Variants in TNR observed in about 807,000 individuals in gnomAD.
TNR encodes tenascin-R.
A neutral mutation model predicts 150.4 loss-of-function variants in TNR; 45 were observed. That is an observed-to-expected ratio of 0.30 (90% CI 0.24 to 0.38). The LOEUF is 0.38. Ranked by LOEUF, TNR falls within the 10% of genes least tolerant of loss-of-function variation. TNR has a pLI of 1.00. For missense variants in TNR, 1,544 were observed against 1,759.1 expected (o/e 0.88, Z 2.19); for synonymous variants, 687 against 678.4 (o/e 1.01, Z -0.20).
intron 1 of TNR, among the ~76,000 whole-genome samples, chr1:175,690,488 TGACTCTCAGAA>T (rs1435306091): frequency 6.6e-6 from 1 of 152,214 alleles, no homozygotes; most frequent in Non-Finnish European, 1.5e-5. Context: ...GCATTCCACA[TGACTCTCAGAA>T]GACACAGCTC....
intron 8 of TNR, among the ~76,000 whole-genome samples, chr1:175,383,547 G>T (rs1477992291): frequency 6.6e-6 from 1 of 152,194 alleles, no homozygotes; most frequent in Non-Finnish European, 1.5e-5. Context: ...ACCGGCCATG[G>T]TGCACTTTGT....
chr1:175,566,864 C>T (rs1182887589), intron 1 of TNR, among the ~76,000 whole-genome samples: 1 of 152,174 alleles, frequency 6.6e-6, no homozygotes. Context: ...ACTTTAGTCC[C>T]TAGACTGTTA....
At chr1:175,488,464 G>C (rs1342202346) in intron 2 of TNR, among the ~76,000 whole-genome samples, 1 of 152,200 alleles carries the variant, frequency 6.6e-6, no homozygotes, top group Non-Finnish European at 1.5e-5. Flanking sequence ...AGGGGCAATG[G>C]AGGGGAATAG....
At chr1:175,472,587 G>T (rs534244786) in intron 2 of TNR, among the ~76,000 whole-genome samples, 18 of 152,276 alleles carry the variant, frequency 1.2e-4, no homozygotes, top group African/African-American at 3.9e-4. Flanking sequence ...CGTCACTAGA[G>T]GATAGGAATT....
At chr1:175,641,412 G>A (rs1664654933) in intron 1 of TNR, among the ~76,000 whole-genome samples, 1 of 152,174 alleles carries the variant, frequency 6.6e-6, no homozygotes, top group South Asian at 2.1e-4. Context: ...TTGTCTAGAA[G>A]TATCTAAGTG....
At chr1:175,536,801 A>G (rs1474359347) in intron 1 of TNR, among the ~76,000 whole-genome samples, 1 of 152,194 alleles carries the variant, frequency 6.6e-6, no homozygotes, top group Non-Finnish European at 1.5e-5. Context: ...TACTTCTCTG[A>G]GCACTAGGAT....
intron 1 of TNR, among the ~76,000 whole-genome samples, chr1:175,709,862 T>G (rs140875837): frequency 2.3e-3 from 353 of 152,002 alleles, no homozygotes; most frequent in Non-Finnish European, 4.3e-3. Flanking sequence ...AGACATGATC[T>G]CCATCCTCAA....
chr1:175,618,664 T>C lies in TNR; in HGVS notation c.-164-90295A>G, dbSNP rs147226288. 9.1e-4 allele frequency among the ~76,000 whole-genome samples: 138 copies of C among 152,246 alleles called. 3 individuals are homozygous for C. Among genetic ancestry groups the C allele is most frequent in the African/African-American group, 3.1e-3 (128 of 41,550 alleles). On this transcript the variant is annotated intron_variant, in intron 1 of 22. Transcript: ENST00000367674. The stretch of plus-strand genomic sequence containing the variant: ...CTCAGGAGAACCATACAGAAAGCCA[T>C]AGGGCCGTTGCTTACAGCAGGGAGT...
At chr1:175,507,548 C>A (rs1403141854) in intron 2 of TNR, among the ~76,000 whole-genome samples, 1 of 151,818 alleles carries the variant, frequency 6.6e-6, no homozygotes, top group Admixed American at 6.6e-5. Flanking sequence ...ATCTGATCCC[C>A]CCTTCCCTGT....
intron 1 of TNR, among the ~76,000 whole-genome samples, chr1:175,597,557 C>T (rs1458209701): frequency 2.6e-5 from 4 of 152,164 alleles, no homozygotes; most frequent in African/African-American, 9.7e-5. Flanking sequence ...TCAAATTGTA[C>T]CCAAGAGCTG....
At chr1:175,695,985 T>G (rs885776) in intron 1 of TNR, among the ~76,000 whole-genome samples, 46 of 148,964 alleles carry the variant, frequency 3.1e-4, no homozygotes, top group African/African-American at 1.1e-3. Context: ...CAGATGGATA[T>G]ATGGATGGAT....
chr1:175,431,165 A>G (rs1257473857), intron 2 of TNR, among the ~76,000 whole-genome samples: 2 of 152,172 alleles, frequency 1.3e-5, no homozygotes, highest in Non-Finnish European at 2.9e-5. Flanking sequence ...CTGCCTTCTC[A>G]TTTGGGGACC....
At chr1:175,724,270 G>T (rs1220513809) in intron 1 of TNR, among the ~76,000 whole-genome samples, 2 of 152,160 alleles carry the variant, frequency 1.3e-5, no homozygotes, top group African/African-American at 4.8e-5. Context: ...CTTCTGGGGA[G>T]GTCTCAGGAA....
chr1:175,359,033 C>T (rs1172297101), intron 15 of TNR, among the ~76,000 whole-genome samples: 1 of 150,704 alleles, frequency 6.6e-6, no homozygotes, highest in Non-Finnish European at 1.5e-5. Flanking sequence ...AGGGCTATTG[C>T]TCTGTTTTTG....
rs1034261371 is a variant in TNR, at chr1:175,323,203, G to C, written c.*154C>G. ...TCCAGGGCAGCAGAAACCAAGAGCA[G>C]ATGTTAGCCAGCGGATTCCTGCGAC... On this transcript the variant is annotated 3_prime_UTR_variant, in exon 23 of 23. Transcript: ENST00000367674. 1.6e-5 allele frequency: 16 copies of C among 989,516 alleles called. No individual in the cohort carries two copies. In the African/African-American group the frequency reaches 2.6e-4, roughly 16 times the overall value. 61.3% of individuals were successfully genotyped at this position (989,516 alleles called of 1,614,324 possible). A position where few individuals can be genotyped will look rare whatever the true frequency, so the allele number is the denominator to read the frequency against.
intron 1 of TNR, among the ~76,000 whole-genome samples, chr1:175,722,175 G>C (rs1256530539): frequency 6.6e-6 from 1 of 152,096 alleles, no homozygotes; most frequent in Non-Finnish European, 1.5e-5. Context: ...TGGCCATGGA[G>C]GGTTTCATTT....
intron 1 of TNR, among the ~76,000 whole-genome samples, chr1:175,708,516 G>C (rs1483423095): frequency 6.6e-6 from 1 of 152,122 alleles, no homozygotes; most frequent in Non-Finnish European, 1.5e-5. Flanking sequence ...CACACTTTTG[G>C]GTTTATAGTT....
chr1:175,500,283 G>A (rs951719326), intron 2 of TNR, among the ~76,000 whole-genome samples: 6 of 152,146 alleles, frequency 3.9e-5, no homozygotes, highest in Admixed American at 2.0e-4. Flanking sequence ...CTTGCTAGAA[G>A]GGAAAGCTAA....
intron 12 of TNR, 42 bp from the exon 13 acceptor site, chr1:175,363,869 A>C: frequency 6.3e-7 from 1 of 1,575,406 alleles, no homozygotes; most frequent in Non-Finnish European, 8.6e-7. Context: ...CAGAAAGCAC[A>C]GTGTGAAAAA....
Sources: allele counts gnomAD v4.1 joint callset (sites outside exome capture counted in the v4.1 genomes callset), GRCh38; gene constraint gnomAD v4.1.1; transcripts MANE v1.5; gene names NCBI Gene and HGNC (gene_info 2026-07-23, HGNC 2026-07-21).